SRD5A1: variants seen among roughly 807,000 people sequenced by gnomAD.
The protein encoded by SRD5A1 is steroid 5 alpha-reductase 1.
SRD5A1 carries 22 observed loss-of-function variants against 28.2 expected under a neutral mutation model. That is an observed-to-expected ratio of 0.78 (90% confidence interval 0.56 to 1.12). The LOEUF (loss-of-function observed/expected upper bound fraction) is 1.12. Among genes scored for constraint, SRD5A1 ranks in the 50% most tolerant of loss-of-function variants. SRD5A1 has a pLI of 0.00. For synonymous variants in SRD5A1, 151 were observed against 135.0 expected (o/e 1.12, Z -0.82); for missense variants, 300 against 346.7 (o/e 0.87, Z 1.07).
chr5:6,662,746 C>CA (rs1739045943), intron 3 of SRD5A1, 70 bp from the exon 4 acceptor site: 22 of 1,524,558 alleles, frequency 1.4e-5, no homozygotes, highest in Non-Finnish European at 2.0e-5. Flanking sequence ...GGTAAGTATT[C>CA]ACTAGCATCT....
chr5:6,652,070 A>G (rs560687918), intron 2 of SRD5A1, 62 bp downstream of exon 2: 36 of 1,504,748 alleles, frequency 2.4e-5, no homozygotes, highest in Admixed American at 1.2e-4. Context: ...TTGATGTCCC[A>G]GTGGTTTCTA....
intron 1 of SRD5A1, among the ~76,000 whole-genome samples, chr5:6,638,360 G>A (rs1738263667): frequency 6.6e-6 from 1 of 152,204 alleles, no homozygotes; most frequent in African/African-American, 2.4e-5. Context: ...TCATGAATCA[G>A]CACCAAACCA....
Position 6,633,564 on chromosome 5 carries a change from C to G in SRD5A1, c.-13C>G. On this transcript the variant is annotated 5_prime_UTR_variant, in exon 1 of 5. Coordinates refer to ENST00000274192, the MANE Select transcript of SRD5A1 (RefSeq NM_001047.4). Reference sequence around the variant, plus strand: ...GGCCTCTGGGGCATGGAGCACGCTGCCCAGCCCTGGCGATGGCAACGGCGA... The same window carrying G: ...GGCCTCTGGGGCATGGAGCACGCTGGCCAGCCCTGGCGATGGCAACGGCGA... The G allele has an allele frequency of 3.3e-6, 5 of 1,509,506 alleles. No individual in the cohort carries two copies. Among genetic ancestry groups the G allele is most frequent in the Non-Finnish European group, 4.4e-6 (5 of 1,136,668 alleles). 93.5% of individuals were successfully genotyped at this position (1,509,506 alleles called of 1,614,324 possible). A position where few individuals can be genotyped will look rare whatever the true frequency, so the allele number is the denominator to read the frequency against.
In SRD5A1 at chr5:6,657,760, G is replaced by A. The variant is rs78955223; in HGVS notation, c.562+1581G>A. Among the ~76,000 whole-genome samples the A allele has an allele frequency of 5.9e-3, 896 of 152,266 alleles. 6 individuals carry two copies. The highest frequency in any genetic ancestry group is 0.02 in the Middle Eastern group (6 of 294). The stretch of plus-strand genomic sequence containing the variant: ...CCAGGCTGGTTACGGAAAGGCCTGC[G>A]GTGCCTTATACAGAGGGTCCTGTCC... On this transcript the variant is annotated intron_variant, in intron 3 of 4. Transcript: ENST00000274192.
Position 6,670,404 on chromosome 5 carries a change from C to T in SRD5A1, c.*2136C>T, listed in dbSNP as rs1041091614. The T allele has an allele frequency of 6.6e-6, 1 of 152,356 alleles. No individual in the cohort carries two copies. The highest frequency in any genetic ancestry group is 2.4e-5 in the African/African-American group (1 of 41,474). 9.4% of individuals were successfully genotyped at this position (152,356 alleles called of 1,614,324 possible). On this transcript the variant is annotated 3_prime_UTR_variant, in exon 5 of 5. Coordinates refer to ENST00000274192, the MANE Select transcript of SRD5A1 (RefSeq NM_001047.4). ...TTGGAACCCAAAAGCCCATTTCTCT[C>T]CTTCCGTCCAGACCCTGTCTGCTGT...
chr5:6,665,099 G>A (rs914494674), intron 4 of SRD5A1, among the ~76,000 whole-genome samples: 7 of 152,358 alleles, frequency 4.6e-5, no homozygotes, highest in South Asian at 2.1e-4. Context: ...AAGGGGAAAC[G>A]TGGATAGACG....
chr5:6,635,620 G>A (rs1435813530), intron 1 of SRD5A1, among the ~76,000 whole-genome samples: 6 of 152,192 alleles, frequency 3.9e-5, no homozygotes, highest in South Asian at 2.1e-4. Flanking sequence ...TGGTGCTGGC[G>A]CATCTGCGTG....
At chr5:6,659,746 G>A (rs1406610633) in intron 3 of SRD5A1, among the ~76,000 whole-genome samples, 1 of 152,124 alleles carries the variant, frequency 6.6e-6, no homozygotes, top group African/African-American at 2.4e-5. Flanking sequence ...AACACGAGAG[G>A]CCCAAGGAAC....
chr5:6,655,831 A>G (rs1318882571), intron 2 of SRD5A1, among the ~76,000 whole-genome samples: 1 of 152,220 alleles, frequency 6.6e-6, no homozygotes, highest in Non-Finnish European at 1.5e-5. Flanking sequence ...GAAGATGTAG[A>G]TTGTGATGAA....
At chr5:6,638,352 A>G (rs921759912) in intron 1 of SRD5A1, among the ~76,000 whole-genome samples, 7 of 152,256 alleles carry the variant, frequency 4.6e-5, no homozygotes, top group African/African-American at 1.7e-4. Flanking sequence ...AGACCAATTC[A>G]TGAATCAGCA....
chr5:6,654,163 C>T (rs1396222212), intron 2 of SRD5A1, among the ~76,000 whole-genome samples: 1 of 151,946 alleles, frequency 6.6e-6, no homozygotes, highest in African/African-American at 2.4e-5. Context: ...AGAGATTCTC[C>T]TGCCTCAGCC....
intron 2 of SRD5A1, among the ~76,000 whole-genome samples, chr5:6,655,290 T>C (rs1035986681): frequency 1.3e-5 from 2 of 152,258 alleles, no homozygotes; most frequent in Non-Finnish European, 2.9e-5. Context: ...ATATTTCTTT[T>C]ATAAAACACT....
intron 3 of SRD5A1, 61 bp from the exon 4 acceptor site, chr5:6,662,755 C>T: frequency 6.4e-7 from 1 of 1,566,272 alleles, no homozygotes; most frequent in Non-Finnish European, 8.7e-7. Flanking sequence ...TCACTAGCAT[C>T]TCTGAAGTCC....
chr5:6,663,850 A>G (rs1739082703), intron 4 of SRD5A1, among the ~76,000 whole-genome samples: 1 of 151,554 alleles, frequency 6.6e-6, no homozygotes, highest in African/African-American at 2.4e-5. Context: ...AGAGAGTGAG[A>G]CTCAGTCTCA....
intron 4 of SRD5A1, among the ~76,000 whole-genome samples, chr5:6,667,107 A>C (rs959235344): frequency 2.6e-5 from 4 of 152,258 alleles, no homozygotes; most frequent in Admixed American, 1.3e-4. Context: ...TTTGCAATGC[A>C]CTTTCGCAGG....
chr5:6,659,899 CAG>C (rs1482107638), intron 3 of SRD5A1, among the ~76,000 whole-genome samples: 1 of 152,180 alleles, frequency 6.6e-6, no homozygotes, highest in Non-Finnish European at 1.5e-5. Flanking sequence ...CCCTTCGCTG[CAG>C]ACTCTTAATT....
chr5:6,661,445 G>A (rs566509252), intron 3 of SRD5A1, among the ~76,000 whole-genome samples: 4 of 148,872 alleles, frequency 2.7e-5, no homozygotes, highest in Admixed American at 2.7e-4. Context: ...CATGTAAGTT[G>A]CAGTGTGCTC....
intron 1 of SRD5A1, among the ~76,000 whole-genome samples, chr5:6,649,776 C>T (rs1275435427): frequency 6.6e-6 from 1 of 152,200 alleles, no homozygotes; most frequent in Non-Finnish European, 1.5e-5. Flanking sequence ...ACTGTCCAAC[C>T]AGTCCCAGTG....
Position 6,633,607 on chromosome 5 carries a change from C to G in SRD5A1, c.31C>G (p.Arg11Gly), listed in dbSNP as rs1335362569. The G allele has an allele frequency of 2.6e-6, 4 of 1,525,120 alleles. No individual in the cohort carries two copies. Among genetic ancestry groups the G allele is most frequent in the Admixed American group, 4.0e-5 (2 of 50,226 alleles). The allele number at this position is 1,525,120 out of a possible 1,614,324, so 94.5% of individuals were successfully genotyped here. Residue 11 changes from arginine to glycine, a missense_variant, in exon 1 of 5, where the codon CGC (arginine) becomes GGC (glycine). Arg to Gly is a moderately radical substitution (Grantham distance 125). This residue lies in a region of SRD5A1 where 174 missense variants were observed against 160.9 expected (regional missense o/e 1.08). Coordinates refer to ENST00000274192, the MANE Select transcript of SRD5A1 (RefSeq NM_001047.4). MATATGVAEE[R>G]LLAALAYLQC... ...AACGGCGACGGGGGTGGCGGAGGAG[C>G]GCCTGCTGGCCGCGCTCGCCTACCT...
Sources: gnomAD v4.1 joint callset for allele counts (sites outside exome capture counted in the v4.1 genomes callset) on GRCh38, gnomAD v4.1.1 for gene constraint, gnomAD v4.1.1 regional missense constraint, MANE v1.5 for transcripts, NCBI Gene and HGNC (gene_info 2026-07-23, HGNC 2026-07-21) for gene names.